The following GRIN2A variants were observed in gnomAD, a reference collection of about 807,000 sequenced individuals.
GRIN2A encodes the protein glutamate receptor ionotropic, NMDA 2A.
Under a neutral mutation model 113.4 loss-of-function variants are expected in GRIN2A, and 22 were observed. That is an observed-to-expected ratio of 0.19 (90% CI 0.14 to 0.28). The LOEUF (loss-of-function observed/expected upper bound fraction) is 0.28, where lower values mean the gene tolerates loss of function less well. GRIN2A is among the 10% of genes least tolerant of loss of function. The pLI is 1.00. For missense variants in GRIN2A, 1,502 were observed against 1,887.0 expected (o/e 0.80, Z 3.78); for synonymous variants, 827 against 738.4 (o/e 1.12, Z -1.94).
Position 9,967,573 on chromosome 16 carries a change from C to T in GRIN2A, c.415-29022G>A, listed in dbSNP as rs149833606. ...TACAAAAATTAGCCGGGCGTGCTGG[C>T]GTGCGCCTGTAGTCTCAGCTACTTG... On this transcript the variant is annotated intron_variant, in intron 2 of 12. Transcript: ENST00000330684. Among the ~76,000 whole-genome samples, 19 of 152,208 alleles carry T rather than the reference C, an allele frequency of 1.2e-4. No individual in the cohort carries two copies. The East Asian group carries it at 1.9e-3, about 15-fold the overall frequency.
chr16:9,764,657 G>A lies in GRIN2A; in HGVS notation c.2887C>T (p.Leu963Phe), dbSNP rs1395645259. The part of the protein sequence containing the change: ...ESIFGDNMNE[L>F]QTFVANRQKD... ...TGCCGGTTGGCCACAAATGTTTGGAGTTCGTTCATGTTGTCTCCAAAAATG... is the reference window on the plus strand; with the variant it reads ...TGCCGGTTGGCCACAAATGTTTGGAATTCGTTCATGTTGTCTCCAAAAATG... The change falls in exon 13 of 13, where the codon CTC becomes TTC. Residue 963 changes from leucine (L) to phenylalanine (F), a missense_variant. Leu to Phe is a conservative substitution (Grantham distance 22). Coordinates refer to ENST00000330684, the MANE Select transcript of GRIN2A (RefSeq NM_001134407.3). The A allele has an allele frequency of 6.2e-7, 1 of 1,614,034 alleles. No homozygotes were observed. The highest frequency in any genetic ancestry group is 1.3e-5 in the African/African-American group (1 of 74,920).
intron 2 of GRIN2A, among the ~76,000 whole-genome samples, chr16:10,079,805 A>G (rs1485633572): frequency 1.3e-5 from 2 of 152,236 alleles, no homozygotes; most frequent in African/African-American, 4.8e-5. Context: ...AGAAAGCAGG[A>G]AAGAGCTTGG....
At chr16:10,166,310 A>T (rs1369460919) in intron 2 of GRIN2A, among the ~76,000 whole-genome samples, 3 of 152,212 alleles carry the variant, frequency 2.0e-5, no homozygotes, top group Non-Finnish European at 4.4e-5. Context: ...AATGCCATCC[A>T]GAGGAGAATT....
chr16:9,949,872 G>C (rs2045133988), intron 2 of GRIN2A, among the ~76,000 whole-genome samples: 1 of 152,146 alleles, frequency 6.6e-6, no homozygotes, highest in South Asian at 2.1e-4. Context: ...GGCTGAGTTA[G>C]TAGCACAGTG....
chr16:9,869,823 C>T (rs780700063), intron 4 of GRIN2A, among the ~76,000 whole-genome samples: 21 of 152,164 alleles, frequency 1.4e-4, no homozygotes, highest in Non-Finnish European at 2.5e-4. Flanking sequence ...GACATTAACT[C>T]ATGTTTGTGA....
intron 9 of GRIN2A, among the ~76,000 whole-genome samples, chr16:9,827,060 C>T (rs965815493): frequency 9.2e-5 from 13 of 140,892 alleles, no homozygotes; most frequent in African/African-American, 1.6e-4. Flanking sequence ...TGCACAATAG[C>T]GCTTCATGTC....
intron 2 of GRIN2A, among the ~76,000 whole-genome samples, chr16:10,146,238 C>T (rs1663733988): frequency 6.6e-6 from 1 of 152,222 alleles, no homozygotes; most frequent in African/African-American, 2.4e-5. Context: ...CTGCCTCAGC[C>T]TCCTGAGTAG....
chr16:10,138,272 G>A (rs73514633), intron 2 of GRIN2A, among the ~76,000 whole-genome samples: 3,600 of 152,258 alleles, frequency 0.024, 130 homozygotes, highest in African/African-American at 0.083. Context: ...TCAACTGTGA[G>A]ACTGTATTGG....
At chr16:10,002,101 T>C (rs559754319) in intron 2 of GRIN2A, among the ~76,000 whole-genome samples, 1 of 152,314 alleles carries the variant, frequency 6.6e-6, no homozygotes, top group African/African-American at 2.4e-5. Context: ...CTTTGGCTCT[T>C]ACCAGGTGAA....
At chr16:9,794,236 A>C (rs943570586) in intron 11 of GRIN2A, among the ~76,000 whole-genome samples, 1 of 152,232 alleles carries the variant, frequency 6.6e-6, no homozygotes, top group African/African-American at 2.4e-5. Context: ...GGCAGGCTTC[A>C]TGTAAGAGGT....
At chr16:10,112,764 A>C in intron 2 of GRIN2A, 1 of 713,394 alleles carries the variant, frequency 1.4e-6, no homozygotes, top group Non-Finnish European at 2.6e-6. Context: ...CCTCATAGCG[A>C]GTAACCAGCA....
At chr16:10,089,531 G>A (rs1203870838) in intron 2 of GRIN2A, among the ~76,000 whole-genome samples, 1 of 152,122 alleles carries the variant, frequency 6.6e-6, no homozygotes, top group Non-Finnish European at 1.5e-5. Context: ...TTTCTAAGGA[G>A]TAATGATGAG....
At chr16:10,098,296 T>TA (rs1567296892) in intron 2 of GRIN2A, among the ~76,000 whole-genome samples, 1 of 151,852 alleles carries the variant, frequency 6.6e-6, no homozygotes, top group African/African-American at 2.4e-5. Flanking sequence ...ATCAAAAAAT[T>TA]AAAAAAATAG....
intron 2 of GRIN2A, among the ~76,000 whole-genome samples, chr16:10,126,595 G>A (rs545498936): frequency 2.6e-5 from 4 of 152,082 alleles, no homozygotes; most frequent in African/African-American, 7.2e-5. Context: ...TTCTTTTAGG[G>A]TGTTTTGTCT....
At chr16:9,893,777 T>C (rs1417160151) in intron 3 of GRIN2A, among the ~76,000 whole-genome samples, 1 of 152,216 alleles carries the variant, frequency 6.6e-6, no homozygotes, top group Non-Finnish European at 1.5e-5. Context: ...GAAGGATATT[T>C]TCTTGATTTA....
chr16:9,923,440 A>T (rs1173313262), intron 3 of GRIN2A, among the ~76,000 whole-genome samples: 2 of 152,192 alleles, frequency 1.3e-5, no homozygotes, highest in Non-Finnish European at 2.9e-5. Flanking sequence ...CAGTAGGTTT[A>T]AACCTATCAT....
chr16:9,799,468 G>T (rs560871815), intron 10 of GRIN2A, among the ~76,000 whole-genome samples: 1 of 152,178 alleles, frequency 6.6e-6, no homozygotes, highest in Admixed American at 6.5e-5. Context: ...CCAGAGCTGC[G>T]AGACAGTCAT....
chr16:9,827,217 C>A (rs532098972), intron 9 of GRIN2A, among the ~76,000 whole-genome samples: 3 of 152,220 alleles, frequency 2.0e-5, no homozygotes, highest in Non-Finnish European at 2.9e-5. Context: ...GGCTGGCTGG[C>A]GAGTGGCAGA....
At chr16:10,181,542 G>A (rs1194822837) in intron 1 of GRIN2A, 1 of 152,346 alleles carries the variant, frequency 6.6e-6, no homozygotes, top group Non-Finnish European at 1.5e-5. Flanking sequence ...CATGTCCTCA[G>A]GTGGTGCACA....
Sources: allele counts gnomAD v4.1 joint callset (sites outside exome capture counted in the v4.1 genomes callset), GRCh38; gene constraint gnomAD v4.1.1; transcripts MANE v1.5; gene names NCBI Gene and HGNC (gene_info 2026-07-23, HGNC 2026-07-21).